Variants in CAMTA1 observed in about 807,000 individuals in gnomAD.
The protein encoded by CAMTA1 is calmodulin binding transcription activator 1, also known as calmodulin-binding transcription activator 1.
CAMTA1 carries 27 observed loss-of-function variants against 170.9 expected under a neutral mutation model. The observed-to-expected ratio is 0.16, with a 90% CI of 0.12 to 0.22. The LOEUF is 0.22. CAMTA1 is among the 10% of genes least tolerant of loss of function. The pLI is 1.00. For synonymous variants in CAMTA1, 833 were observed against 891.5 expected, an observed-to-expected ratio of 0.93 and a Z score of 1.17; for missense variants, 1,619 against 2,217.2, an observed-to-expected ratio of 0.73 and a Z score of 5.42.
intron 5 of CAMTA1, among the ~76,000 whole-genome samples, chr1:7,368,608 G>A (rs1202525861): frequency 6.6e-6 from 1 of 152,158 alleles, no homozygotes; most frequent in Admixed American, 6.5e-5. Context: ...TGCACCCATG[G>A]CGTGGCTCTG....
intron 4 of CAMTA1, among the ~76,000 whole-genome samples, chr1:7,225,456 G>A (rs1661530268): frequency 1.3e-5 from 2 of 152,154 alleles, no homozygotes; most frequent in African/African-American, 4.8e-5. Flanking sequence ...TATCCTGGGA[G>A]CCTTTTCTCC....
chr1:7,381,089 C>T (rs1039836134), intron 5 of CAMTA1, among the ~76,000 whole-genome samples: 2 of 152,152 alleles, frequency 1.3e-5, no homozygotes, highest in South Asian at 2.1e-4. Context: ...TGCAAGTGAC[C>T]GAAAACATCA....
At chr1:7,205,767 T>C (rs1335381677) in intron 4 of CAMTA1, among the ~76,000 whole-genome samples, 1 of 152,202 alleles carries the variant, frequency 6.6e-6, no homozygotes, top group African/African-American at 2.4e-5. Context: ...TTTTGAGTCA[T>C]AGTAAGAAAA....
chr1:6,851,970 C>T (rs1376977528), intron 3 of CAMTA1, among the ~76,000 whole-genome samples: 4 of 148,740 alleles, frequency 2.7e-5, no homozygotes, highest in Non-Finnish European at 5.9e-5. Flanking sequence ...GCCAAGATCC[C>T]ACCAAAGTAC....
rs935334143 is a variant in CAMTA1, at chr1:7,007,949, C to T, written c.235-83355C>T. Among the ~76,000 whole-genome samples, 1 of 152,094 alleles carries T rather than the reference C, an allele frequency of 6.6e-6. No individual in the cohort carries two copies. ...CATACAATTGAGTGACAGAGCCCTG[C>T]GTGGAAAGGGAGGCCCGTGTTGGTG... is the stretch of plus-strand genomic sequence containing the variant. On this transcript the variant is annotated intron_variant, in intron 3 of 22. Coordinates refer to ENST00000303635, the MANE Select transcript of CAMTA1 (RefSeq NM_015215.4). This position sits in a 1 kb window ranked among gnomAD's most constrained non-coding sequence, Gnocchi z 4.5.
chr1:7,465,221 CCCT>C (rs2093182744), intron 5 of CAMTA1, among the ~76,000 whole-genome samples: 1 of 152,150 alleles, frequency 6.6e-6, no homozygotes, highest in Non-Finnish European at 1.5e-5. Flanking sequence ...AAGCCTAAGG[CCCT>C]GTGCCCTCAG....
intron 5 of CAMTA1, among the ~76,000 whole-genome samples, chr1:7,291,293 G>A (rs1205563203): frequency 6.6e-6 from 1 of 152,174 alleles, no homozygotes; most frequent in Non-Finnish European, 1.5e-5. Context: ...TCCCTAGAGT[G>A]TATCTCGGGA....
rs539249042 is a variant in CAMTA1 at position 7,626,574 on chromosome 1, T to G, written c.511-13826T>G. The stretch of plus-strand genomic sequence containing the variant: ...GTGGTGAACAGCAACCAGCTCTGCT[T>G]TTCTGCAAATTCTCTCTGCAAAGCG... On this transcript the variant is annotated intron_variant, in intron 6 of 22. Transcript: ENST00000303635. Among the ~76,000 whole-genome samples, 4 of 152,318 alleles carry G rather than the reference T, an allele frequency of 2.6e-5. No homozygotes were observed. The South Asian group carries it at 8.3e-4, about 32-fold the overall frequency.
chr1:7,707,804 G>A (rs1229753658), intron 11 of CAMTA1, among the ~76,000 whole-genome samples: 1 of 152,210 alleles, frequency 6.6e-6, no homozygotes, highest in African/African-American at 2.4e-5. Flanking sequence ...GGGGATGTTG[G>A]CGTTCATAGT....
intron 11 of CAMTA1, chr1:7,694,009 A>T (rs1186968376): frequency 6.6e-6 from 1 of 152,288 alleles, no homozygotes; most frequent in Non-Finnish European, 1.5e-5. Context: ...AACAAACTCC[A>T]ATCAGGCATG....
chr1:7,138,346 A>G (rs1045508004), intron 4 of CAMTA1, among the ~76,000 whole-genome samples: 5 of 152,192 alleles, frequency 3.3e-5, no homozygotes, highest in African/African-American at 1.2e-4. Context: ...TGACATAGAA[A>G]TACCCTGCCA....
In CAMTA1 at chr1:7,606,416, C is replaced by T. The variant is rs530857419; in HGVS notation, c.511-33984C>T. 2.6e-5 allele frequency among the ~76,000 whole-genome samples: 4 copies of T among 152,288 alleles called. No homozygotes were observed. In the East Asian group the frequency reaches 5.8e-4, roughly 22 times the overall value. On this transcript the variant is annotated intron_variant, in intron 6 of 22. Transcript: ENST00000303635. ...CTCAGATCAATTCTCGTGCTTTTAT[C>T]TTTTCTTGAGGCTCAGCATGATGAA...
chr1:7,108,752 G>A (rs536765001), intron 4 of CAMTA1, among the ~76,000 whole-genome samples: 28 of 152,210 alleles, frequency 1.8e-4, no homozygotes, highest in South Asian at 4.1e-4. Context: ...TACCTATTGC[G>A]CTAATTTTAT....
chr1:6,950,042 AC>A (rs1348665104), intron 3 of CAMTA1, among the ~76,000 whole-genome samples: 3 of 152,190 alleles, frequency 2.0e-5, no homozygotes, highest in Non-Finnish European at 1.5e-5. Flanking sequence ...GCCCTATGAC[AC>A]CCAAGGAAGG....
At chr1:7,720,996 C>T (rs1230326968) in intron 11 of CAMTA1, among the ~76,000 whole-genome samples, 1 of 152,194 alleles carries the variant, frequency 6.6e-6, no homozygotes, top group African/African-American at 2.4e-5. Context: ...GCTCAGGGTT[C>T]TTGCCCCAGA....
intron 3 of CAMTA1, among the ~76,000 whole-genome samples, chr1:6,881,400 T>C (rs1671532630): frequency 6.6e-6 from 1 of 152,036 alleles, no homozygotes; most frequent in African/African-American, 2.4e-5. Context: ...CGTGACCACG[T>C]AGGTGTCTAG....
chr1:6,895,644 C>T (rs1462661965), intron 3 of CAMTA1, among the ~76,000 whole-genome samples: 2 of 152,208 alleles, frequency 1.3e-5, no homozygotes, highest in African/African-American at 2.4e-5. Context: ...CCTTCCCATA[C>T]GGGGAATCCA....
At chr1:7,346,839 G>T (rs1052693645) in intron 5 of CAMTA1, among the ~76,000 whole-genome samples, 1 of 152,156 alleles carries the variant, frequency 6.6e-6, no homozygotes, top group East Asian at 1.9e-4. Context: ...ACCCCAGGAG[G>T]TTGGGCTCCT....
intron 6 of CAMTA1, among the ~76,000 whole-genome samples, chr1:7,572,771 AC>A (rs1164702340): frequency 1.3e-5 from 2 of 152,228 alleles, no homozygotes; most frequent in African/African-American, 4.8e-5. Flanking sequence ...TTGGGGGAAG[AC>A]ACACATGTTC....
Sources: gnomAD v4.1 joint callset for allele counts (sites outside exome capture counted in the v4.1 genomes callset) on GRCh38, gnomAD v4.1.1 for gene constraint, Gnocchi (gnomAD v3.1) non-coding constraint, MANE v1.5 for transcripts, NCBI Gene and HGNC (gene_info 2026-07-23, HGNC 2026-07-21) for gene names.